KCNJ6: variants seen among roughly 807,000 people sequenced by gnomAD.
KCNJ6 encodes potassium inwardly rectifying channel subfamily J member 6.
In KCNJ6, 9 loss-of-function variants were observed where a neutral mutation model predicts 34.2. The ratio of observed to expected loss-of-function variants is 0.26; its 90% CI spans 0.16 to 0.46. The LOEUF (loss-of-function observed/expected upper bound fraction) is 0.46. Among genes scored for constraint, KCNJ6 ranks in the 20% least tolerant of loss-of-function variants. The probability of loss-of-function intolerance (pLI) is 1.00; values close to 1 mark genes in which losing one functional copy is unlikely to be tolerated. For missense variants in KCNJ6, 236 were observed against 531.3 expected (o/e 0.44, Z 5.46); for synonymous variants, 196 against 207.1 (o/e 0.95, Z 0.46).
chr21:37,704,152 A>G (rs1390303372), intron 3 of KCNJ6, among the ~76,000 whole-genome samples: 2 of 152,226 alleles, frequency 1.3e-5, no homozygotes, highest in Non-Finnish European at 2.9e-5. Flanking sequence ...TGGGGGAACA[A>G]AAAGAAATTC....
rs560804554 is a variant in KCNJ6 at position 37,640,455 on chromosome 21, G to T, written c.947-14971C>A. ...TACTCAACACATGGCTCTGCCTGAG[G>T]ACACCACTAGGGATGCTCTTAATTC... On this transcript the variant is annotated intron_variant, in intron 3 of 3. Coordinates refer to ENST00000609713, the MANE Select transcript of KCNJ6 (RefSeq NM_002240.5). 9.8e-5 allele frequency among the ~76,000 whole-genome samples: 15 copies of T among 152,366 alleles called. 1 individual carries two copies. The South Asian group carries it at 3.1e-3, about 32-fold the overall frequency.
At chr21:37,763,575 A>G (rs2055076662) in intron 2 of KCNJ6, among the ~76,000 whole-genome samples, 1 of 152,118 alleles carries the variant, frequency 6.6e-6, no homozygotes, top group South Asian at 2.1e-4. Context: ...TGGCCCTCTC[A>G]GTGACTGTGT....
intron 2 of KCNJ6, among the ~76,000 whole-genome samples, chr21:37,749,790 A>C (rs1371117926): frequency 6.6e-6 from 1 of 152,228 alleles, no homozygotes; most frequent in Non-Finnish European, 1.5e-5. Context: ...ACACAGGGAC[A>C]TAATCTATTG....
intron 3 of KCNJ6, among the ~76,000 whole-genome samples, chr21:37,635,243 G>T (rs1459811744): frequency 6.6e-6 from 1 of 151,938 alleles, no homozygotes; most frequent in African/African-American, 2.4e-5. Context: ...TTTTGAGATG[G>T]AGTCTTACTC....
chr21:37,829,923 G>A (rs376772657), intron 2 of KCNJ6, among the ~76,000 whole-genome samples: 10 of 152,128 alleles, frequency 6.6e-5, no homozygotes, highest in African/African-American at 1.7e-4. Context: ...GGAAGTCATC[G>A]GGCAGGCCCT....
intron 2 of KCNJ6, among the ~76,000 whole-genome samples, chr21:37,750,810 A>G (rs556201431): frequency 1.3e-5 from 2 of 152,324 alleles, no homozygotes; most frequent in South Asian, 4.1e-4. Context: ...GCAAACCACC[A>G]TGGCACATGT....
chr21:37,656,229 T>C (rs2835875), intron 3 of KCNJ6, among the ~76,000 whole-genome samples: 23,511 of 152,162 alleles, frequency 0.15, 2,928 homozygotes, highest in African/African-American at 0.34. Context: ...CTGGCTCTAG[T>C]GCTTTCATCC....
At chr21:37,874,952 C>T (rs1366662874) in intron 1 of KCNJ6, among the ~76,000 whole-genome samples, 1 of 152,184 alleles carries the variant, frequency 6.6e-6, no homozygotes, top group Non-Finnish European at 1.5e-5. Context: ...CACAGCAAGC[C>T]ACGGTAGTCC....
chr21:37,877,157 A>G (rs2055682808), intron 1 of KCNJ6, among the ~76,000 whole-genome samples: 1 of 152,194 alleles, frequency 6.6e-6, no homozygotes, highest in South Asian at 2.1e-4. Context: ...AGGCAAACCC[A>G]CCAACGCCTA....
At chr21:37,820,849 G>A (rs534157044) in intron 2 of KCNJ6, among the ~76,000 whole-genome samples, 3 of 152,230 alleles carry the variant, frequency 2.0e-5, no homozygotes, top group Non-Finnish European at 4.4e-5. Flanking sequence ...GGCAGCCCTT[G>A]AGGGATGTGC....
intron 3 of KCNJ6, among the ~76,000 whole-genome samples, chr21:37,671,533 CA>C: frequency 6.6e-6 from 1 of 152,348 alleles, no homozygotes; most frequent in African/African-American, 2.4e-5. Context: ...ACTGCTTTCG[CA>C]AATTAATTGA....
chr21:37,673,929 T>C (rs1025627778), intron 3 of KCNJ6, among the ~76,000 whole-genome samples: 3 of 152,184 alleles, frequency 2.0e-5, no homozygotes, highest in Non-Finnish European at 2.9e-5. Flanking sequence ...GGAGAGCTGA[T>C]GCTGTTCCCT....
chr21:37,714,110 G>A lies in KCNJ6; in HGVS notation c.946+101C>T, dbSNP rs2054777366. 4 of 833,174 alleles carry A rather than the reference G, an allele frequency of 4.8e-6. No individual in the cohort carries two copies. The highest frequency in any genetic ancestry group is 3.6e-4 in the Middle Eastern group (1 of 2,742). The allele number at this position is 833,174 out of a possible 1,614,324, so 51.6% of individuals were successfully genotyped here. A position where few individuals can be genotyped will look rare whatever the true frequency, so the allele number is the denominator to read the frequency against. On this transcript the variant is annotated intron_variant, in intron 3 of 3. Transcript: ENST00000609713. This position sits in a 1 kb window ranked among gnomAD's most constrained non-coding sequence, Gnocchi z 5.9. ...AGCAAGGGGATGTTGTCAATATTGA[G>A]TGAGGTTCAGTATTCTAGATCTTGT...
At chr21:37,685,762 TAGAA>T (rs1230965343) in intron 3 of KCNJ6, among the ~76,000 whole-genome samples, 1 of 136,528 alleles carries the variant, frequency 7.3e-6, no homozygotes, top group Non-Finnish European at 1.6e-5. Flanking sequence ...ACAAAAAAAG[TAGAA>T]AGCTGTCTAT....
intron 3 of KCNJ6, among the ~76,000 whole-genome samples, chr21:37,664,504 T>A (rs370492168): frequency 2.0e-5 from 3 of 152,030 alleles, no homozygotes; most frequent in African/African-American, 7.2e-5. Context: ...AAAGTGTGCA[T>A]AACAAAAGAT....
At chr21:37,753,573 G>A (rs2055007728) in intron 2 of KCNJ6, among the ~76,000 whole-genome samples, 2 of 152,184 alleles carry the variant, frequency 1.3e-5, no homozygotes, top group Non-Finnish European at 1.5e-5. Flanking sequence ...CTCTTAGCCT[G>A]GTTCTGCTCC....
chr21:37,614,520 G>GTC lies in KCNJ6; in HGVS notation c.*10638_*10639insGA, dbSNP rs1461100400. On this transcript the variant is annotated 3_prime_UTR_variant, in exon 4 of 4. Transcript: ENST00000609713. ...TGTATGCATGTGTCTCTGTATGCAT[G>GTC]TGTGTATGCATGTCTCTGTGTATGC... 7.5e-6 allele frequency: 1 copy of GTC among 132,954 alleles called. No homozygotes were observed. Among genetic ancestry groups the GTC allele is most frequent in the African/African-American group, 2.9e-5 (1 of 34,308 alleles). 8.2% of individuals were successfully genotyped at this position (132,954 alleles called of 1,614,324 possible).
At chr21:37,751,559 T>C (rs772235129) in intron 2 of KCNJ6, among the ~76,000 whole-genome samples, 17 of 152,246 alleles carry the variant, frequency 1.1e-4, no homozygotes, top group Non-Finnish European at 2.2e-4. Context: ...ATGAGAAGTA[T>C]GAGCAGACTG....
At chr21:37,848,538 A>C (rs2055521622) in intron 1 of KCNJ6, among the ~76,000 whole-genome samples, 1 of 152,146 alleles carries the variant, frequency 6.6e-6, no homozygotes, top group Admixed American at 6.5e-5. Flanking sequence ...TGTACAGGTC[A>C]CCCTGACTGG....
Sources: gnomAD v4.1 joint callset for allele counts (sites outside exome capture counted in the v4.1 genomes callset) on GRCh38, gnomAD v4.1.1 for gene constraint, Gnocchi (gnomAD v3.1) non-coding constraint, MANE v1.5 for transcripts, NCBI Gene and HGNC (gene_info 2026-07-23, HGNC 2026-07-21) for gene names.